CAMTA1: variants seen among roughly 807,000 people sequenced by gnomAD.
The protein encoded by CAMTA1 is calmodulin binding transcription activator 1.
Under a neutral mutation model 170.9 loss-of-function variants are expected in CAMTA1, and 27 were observed. That is an observed-to-expected ratio of 0.16 (90% CI 0.12 to 0.22). CAMTA1 has a LOEUF of 0.22. CAMTA1 is among the 10% of genes least tolerant of loss of function. The pLI is 1.00. For missense variants in CAMTA1, 1,619 were observed against 2,217.2 expected (o/e 0.73, Z 5.42); for synonymous variants, 833 against 891.5 (o/e 0.93, Z 1.17).
intron 1 of CAMTA1, among the ~76,000 whole-genome samples, chr1:6,789,880 G>A (rs1199157621): frequency 7.0e-6 from 1 of 143,800 alleles, no homozygotes; most frequent in African/African-American, 2.6e-5. Flanking sequence ...GCACGATCTC[G>A]GTTCGTGCAA....
intron 5 of CAMTA1, among the ~76,000 whole-genome samples, chr1:7,304,262 G>A (rs990871138): frequency 1.2e-4 from 19 of 152,312 alleles, no homozygotes; most frequent in South Asian, 4.1e-4. Flanking sequence ...AAAAGACCTC[G>A]AGATGGGAGT....
At chr1:7,128,647 A>C (rs1048839896) in intron 4 of CAMTA1, among the ~76,000 whole-genome samples, 1 of 151,788 alleles carries the variant, frequency 6.6e-6, no homozygotes, top group Admixed American at 6.6e-5. Flanking sequence ...CAAAGTAGAA[A>C]GGATTAGCCC....
At chr1:7,708,197 G>A (rs1022471932) in intron 11 of CAMTA1, among the ~76,000 whole-genome samples, 3 of 152,014 alleles carry the variant, frequency 2.0e-5, no homozygotes, top group Non-Finnish European at 4.4e-5. Context: ...CAGGTGTGGC[G>A]TTGCATGCCT....
chr1:7,346,522 C>T (rs1331512477), intron 5 of CAMTA1, among the ~76,000 whole-genome samples: 1 of 152,228 alleles, frequency 6.6e-6, no homozygotes, highest in Non-Finnish European at 1.5e-5. Flanking sequence ...TAATACACCT[C>T]TACACTGGCC....
At chr1:6,897,441 T>TA (rs1467935149) in intron 3 of CAMTA1, among the ~76,000 whole-genome samples, 3 of 38,554 alleles carry the variant, frequency 7.8e-5, no homozygotes, top group African/African-American at 3.1e-4. Flanking sequence ...GCAAACTCAA[T>TA]AAGCCTGTAT....
chr1:7,690,729 G>A (rs1157184789), intron 11 of CAMTA1, among the ~76,000 whole-genome samples: 6 of 152,184 alleles, frequency 3.9e-5, no homozygotes, highest in South Asian at 2.1e-4. Context: ...GAGACTTTCC[G>A]GCAACCCGTG....
chr1:6,892,143 A>C (rs1015140526), intron 3 of CAMTA1, among the ~76,000 whole-genome samples: 2 of 152,216 alleles, frequency 1.3e-5, no homozygotes, highest in African/African-American at 2.4e-5. Flanking sequence ...ATCATTCTTT[A>C]AAGTCTAGTA....
At chr1:7,401,231 G>A (rs72853171) in intron 5 of CAMTA1, among the ~76,000 whole-genome samples, 2 of 152,114 alleles carry the variant, frequency 1.3e-5, no homozygotes, top group African/African-American at 2.4e-5. Flanking sequence ...TAATGTATGG[G>A]TATACAAATT....
intron 5 of CAMTA1, among the ~76,000 whole-genome samples, chr1:7,419,491 A>T (rs1209791175): frequency 6.6e-6 from 1 of 152,018 alleles, no homozygotes; most frequent in African/African-American, 2.4e-5. Context: ...TGGGGATCCC[A>T]GGGCTCCCTT....
Position 7,463,504 on chromosome 1 carries a change from GAA to G in CAMTA1, c.439-4324_439-4323del, listed in dbSNP as rs2093140341. ...CTGCAGAGATGGAGAGAGAGAGAAA[GAA>G]AGAGACTGAGAAAGAGATTGAGAGA... is the stretch of plus-strand genomic sequence containing the variant. On this transcript the variant is annotated intron_variant, in intron 5 of 22. Coordinates refer to ENST00000303635, the MANE Select transcript of CAMTA1 (RefSeq NM_015215.4). The surrounding 1 kb of genome is among the most constrained non-coding windows in gnomAD (Gnocchi z 4.7). Among the ~76,000 whole-genome samples the G allele has an allele frequency of 6.6e-6, 1 of 151,368 alleles. No individual in the cohort carries two copies. Among genetic ancestry groups the G allele is most frequent in the South Asian group, 2.1e-4 (1 of 4,784 alleles).
intron 5 of CAMTA1, among the ~76,000 whole-genome samples, chr1:7,461,163 C>G (rs1227050290): frequency 6.6e-6 from 1 of 152,192 alleles, no homozygotes; most frequent in Non-Finnish European, 1.5e-5. Flanking sequence ...GCTTTGCCAT[C>G]ACAGGCACAG....
At chr1:6,880,993 A>G (rs745773796) in intron 3 of CAMTA1, among the ~76,000 whole-genome samples, 12 of 152,220 alleles carry the variant, frequency 7.9e-5, no homozygotes, top group Admixed American at 4.6e-4. Flanking sequence ...AATTACATTT[A>G]TTAACTCACT....
In CAMTA1 at chr1:7,014,750, C is replaced by T. The variant is rs1700293067; in HGVS notation, c.235-76554C>T. 6.6e-6 allele frequency among the ~76,000 whole-genome samples: 1 copy of T among 152,168 alleles called. No individual in the cohort carries two copies. Among genetic ancestry groups the T allele is most frequent in the African/African-American group, 2.4e-5 (1 of 41,442 alleles). On this transcript the variant is annotated intron_variant, in intron 3 of 22. Coordinates refer to ENST00000303635, the MANE Select transcript of CAMTA1 (RefSeq NM_015215.4). The surrounding 1 kb of genome is among the most constrained non-coding windows in gnomAD (Gnocchi z 4.2). ...GTGGGACTCAGCCGAGGGGGCCAGT[C>T]TAGAGGTTACACATTCTGAGCTACC...
chr1:7,602,400 A>C (rs1210912371), intron 6 of CAMTA1, among the ~76,000 whole-genome samples: 1 of 152,070 alleles, frequency 6.6e-6, no homozygotes, highest in Non-Finnish European at 1.5e-5. Context: ...GTATGTGTCG[A>C]GGAATTTATC....
intron 5 of CAMTA1, among the ~76,000 whole-genome samples, chr1:7,419,224 C>T (rs986517314): frequency 2.6e-5 from 4 of 152,034 alleles, no homozygotes; most frequent in Admixed American, 1.3e-4. Flanking sequence ...GGCACGATCT[C>T]GGCTCACTGC....
chr1:7,443,701 C>G lies in CAMTA1; in HGVS notation c.439-24129C>G, dbSNP rs781723243. Among the ~76,000 whole-genome samples, 8 of 152,022 alleles carry G rather than the reference C, an allele frequency of 5.3e-5. No individual in the cohort carries two copies. Among genetic ancestry groups the G allele is most frequent in the Admixed American group, 1.3e-4 (2 of 15,260 alleles). ...CTGGGGCATTCTGGGTGAGCTGATG[C>G]CAGAGGTGGGTTTTGTAGATGTGGA... is the stretch of plus-strand genomic sequence containing the variant. On this transcript the variant is annotated intron_variant, in intron 5 of 22. Coordinates refer to ENST00000303635, the MANE Select transcript of CAMTA1 (RefSeq NM_015215.4). This position sits in a 1 kb window ranked among gnomAD's most constrained non-coding sequence, Gnocchi z 4.1.
chr1:6,988,391 G>A (rs910706234), intron 3 of CAMTA1, among the ~76,000 whole-genome samples: 4 of 152,160 alleles, frequency 2.6e-5, no homozygotes, highest in African/African-American at 9.7e-5. Context: ...ATTGAAACGA[G>A]CCTTTCAGTG....
At chr1:7,390,112 G>C (rs1245337082) in intron 5 of CAMTA1, among the ~76,000 whole-genome samples, 1 of 152,176 alleles carries the variant, frequency 6.6e-6, no homozygotes, top group Non-Finnish European at 1.5e-5. Flanking sequence ...CGACGGCGCA[G>C]GGCTGGTTCC....
At chr1:7,631,619 C>A (rs2095669843) in intron 6 of CAMTA1, among the ~76,000 whole-genome samples, 1 of 152,204 alleles carries the variant, frequency 6.6e-6, no homozygotes, top group African/African-American at 2.4e-5. Flanking sequence ...CAGTACTATG[C>A]ATTGGAGCCA....
Sources: gnomAD v4.1 joint callset for allele counts (sites outside exome capture counted in the v4.1 genomes callset) on GRCh38, gnomAD v4.1.1 for gene constraint, Gnocchi (gnomAD v3.1) non-coding constraint, MANE v1.5 for transcripts, NCBI Gene and HGNC (gene_info 2026-07-23, HGNC 2026-07-21) for gene names.